The following CNR2 variants were observed in gnomAD, a reference collection of about 807,000 sequenced individuals.
CNR2 encodes the protein cannabinoid receptor 2.
For missense variants in CNR2, 379 were observed against 439.9 expected (o/e 0.86, Z 1.24); for synonymous variants, 172 against 182.2 (o/e 0.94, Z 0.45).
chr1:23,872,448 A>G lies in CNR2; in HGVS notation c.*2087T>C, dbSNP rs989790445. 6 of 152,082 alleles carry G rather than the reference A, an allele frequency of 3.9e-5. No homozygotes were observed. The highest frequency in any genetic ancestry group is 1.4e-4 in the African/African-American group (6 of 41,432). The allele number at this position is 152,082 out of a possible 1,614,324, so 9.4% of individuals were successfully genotyped here. A position where few individuals can be genotyped will look rare whatever the true frequency, so the allele number is the denominator to read the frequency against. On this transcript the variant is annotated 3_prime_UTR_variant, in exon 2 of 2. Transcript: ENST00000374472. ...AAATGGAGTATATTGAGAATCTACG[A>G]TGAGTTAACTTTGCAGCAATCTGAT...
At position 23,875,665 on chromosome 1, in the gene CNR2, GCAGTA is replaced by G; in HGVS notation, c.-45-8_-45-4del. The G allele has an allele frequency of 6.5e-7, 1 of 1,532,506 alleles. No homozygotes were observed. The allele number at this position is 1,532,506 out of a possible 1,614,324, so 94.9% of individuals were successfully genotyped here. On this transcript the variant is annotated splice_polypyrimidine_tract_variant and splice_region_variant and intron_variant, in intron 1 of 1. Transcript: ENST00000374472. The stretch of plus-strand genomic sequence containing the variant: ...CTGAGCTTGTCTAGAAGGCTTTGCT[GCAGTA>G]CAATGAGAAGAAGAAAATAATCTTT...
chr1:23,904,801 C>T (rs562186750), intron 1 of CNR2, among the ~76,000 whole-genome samples: 1 of 152,288 alleles, frequency 6.6e-6, no homozygotes, highest in African/African-American at 2.4e-5. Flanking sequence ...GGTCTGTCCC[C>T]TGATGATGAG....
intron 1 of CNR2, chr1:23,902,374 C>T: frequency 6.3e-7 from 1 of 1,585,024 alleles, no homozygotes; most frequent in South Asian, 1.1e-5. Flanking sequence ...AGGACGCAGG[C>T]GTTCTTGGCT....
intron 1 of CNR2, chr1:23,901,864 C>A: frequency 6.2e-7 from 1 of 1,609,680 alleles, no homozygotes; most frequent in South Asian, 1.1e-5. Context: ...TGTCGCAGCG[C>A]CCGCAGTACT....
chr1:23,874,244 G>C lies in CNR2; in HGVS notation c.*291C>G, dbSNP rs559635272. 53 of 294,364 alleles carry C rather than the reference G, an allele frequency of 1.8e-4. No homozygotes were observed. The highest frequency in any genetic ancestry group is 1.1e-3 in the African/African-American group (51 of 47,852). The allele number at this position is 294,364 out of a possible 1,614,324, so 18.2% of individuals were successfully genotyped here. Reference sequence around the variant, plus strand: ...CTCGCTTTGGCTCCTGTGGTCTCTGGAGGATGCAGGCATGAAGCCTGACCT... The same window carrying C: ...CTCGCTTTGGCTCCTGTGGTCTCTGCAGGATGCAGGCATGAAGCCTGACCT... On this transcript the variant is annotated 3_prime_UTR_variant, in exon 2 of 2. Coordinates refer to ENST00000374472, the MANE Select transcript of CNR2 (RefSeq NM_001841.3).
At chr1:23,910,654 C>CAAAAAAAAAAAAAAAAA (rs34083515) in intron 1 of CNR2, among the ~76,000 whole-genome samples, 1 of 32,196 alleles carries the variant, frequency 3.1e-5, no homozygotes, top group Non-Finnish European at 4.8e-5. Flanking sequence ...AACGCTGTCT[C>CAAAAAAAAAAAAAAAAA]AAAAAAAAAA....
At chr1:23,899,973 G>A (rs28841271) in intron 1 of CNR2, among the ~76,000 whole-genome samples, 1 of 13,990 alleles carries the variant, frequency 7.1e-5, no homozygotes, top group African/African-American at 2.1e-4. Context: ...AAGAAAGAAA[G>A]GAAAGAAAGA....
At chr1:23,880,273 G>C (rs1639957193) in intron 1 of CNR2, among the ~76,000 whole-genome samples, 2 of 150,302 alleles carry the variant, frequency 1.3e-5, no homozygotes, top group African/African-American at 2.5e-5. Flanking sequence ...CGCCTCCCAG[G>C]TTGAAGCCTT....
chr1:23,909,267 G>A (rs1338214881), intron 1 of CNR2, among the ~76,000 whole-genome samples: 1 of 152,134 alleles, frequency 6.6e-6, no homozygotes, highest in Non-Finnish European at 1.5e-5. Flanking sequence ...ATGGCGTGAG[G>A]ACTGAGTACA....
intron 1 of CNR2, among the ~76,000 whole-genome samples, chr1:23,884,784 A>G (rs1341801123): frequency 1.3e-5 from 2 of 148,954 alleles, no homozygotes; most frequent in Admixed American, 6.9e-5. Context: ...TGCTTGCTGC[A>G]TAGCAGGTGC....
chr1:23,911,894 ACTT>A (rs963002198), intron 1 of CNR2, among the ~76,000 whole-genome samples: 12 of 152,184 alleles, frequency 7.9e-5, no homozygotes, highest in African/African-American at 2.9e-4. Flanking sequence ...CTCTCCCTGA[ACTT>A]CTCCCCAGCC....
At chr1:23,890,769 C>G (rs1481796884) in intron 1 of CNR2, among the ~76,000 whole-genome samples, 3 of 149,332 alleles carry the variant, frequency 2.0e-5, no homozygotes, top group African/African-American at 7.4e-5. Context: ...AGAAATAGAT[C>G]AAAGTGACCC....
Position 23,874,620 on chromosome 1 carries a change from G to A in CNR2, c.998C>T (p.Pro333Leu), listed in dbSNP as rs201633175. The change falls in exon 2 of 2, where the codon CCG (proline) becomes CTG (leucine). Residue 333 changes from proline (P) to leucine (L), a missense_variant. Coordinates refer to ENST00000374472, the MANE Select transcript of CNR2 (RefSeq NM_001841.3). ...CTCTGTCTCGGTGACTGAGGATCTCGGGGCTTCTTCTTTTGCCTCTGACCC... is the reference window on the plus strand; with the variant it reads ...CTCTGTCTCGGTGACTGAGGATCTCAGGGCTTCTTCTTTTGCCTCTGACCC... ...GLGSEAKEEA[P>L]RSSVTETEAD... 8.7e-6 allele frequency: 14 copies of A among 1,613,904 alleles called. No homozygotes were observed. The highest frequency in any genetic ancestry group is 1.7e-5 in the Admixed American group (1 of 59,978).
chr1:23,889,180 T>C, intron 1 of CNR2, among the ~76,000 whole-genome samples: 1 of 152,100 alleles, frequency 6.6e-6, no homozygotes, highest in Non-Finnish European at 1.5e-5. Flanking sequence ...CCTGAGAACC[T>C]GCTCAGAAAA....
At chr1:23,907,453 C>T (rs576233105) in intron 1 of CNR2, among the ~76,000 whole-genome samples, 1 of 149,646 alleles carries the variant, frequency 6.7e-6, no homozygotes, top group Non-Finnish European at 1.5e-5. Context: ...AATCTTGAAG[C>T]AAATCTGCAG....
At position 23,871,070 on chromosome 1, in the gene CNR2, T is replaced by C. The variant is rs1264778324; in HGVS notation, c.*3465A>G. The C allele has an allele frequency of 1.3e-5, 2 of 149,786 alleles. No homozygotes were observed. Among genetic ancestry groups the C allele is most frequent in the African/African-American group, 4.9e-5 (2 of 40,532 alleles). 9.3% of individuals were successfully genotyped at this position (149,786 alleles called of 1,614,324 possible). On this transcript the variant is annotated 3_prime_UTR_variant, in exon 2 of 2. Coordinates refer to ENST00000374472, the MANE Select transcript of CNR2 (RefSeq NM_001841.3). The stretch of plus-strand genomic sequence containing the variant: ...TGGGAGGCTAAGGCAGGAGAACTGC[T>C]TGAACCCAGGAGGCAGAGGTTGCAG...
At position 23,871,338 on chromosome 1, in the gene CNR2, G is replaced by A. The variant is rs1639762664; in HGVS notation, c.*3197C>T. The A allele has an allele frequency of 6.6e-6, 1 of 152,092 alleles. No homozygotes were observed. Among genetic ancestry groups the A allele is most frequent in the Non-Finnish European group, 1.5e-5 (1 of 68,014 alleles). 9.4% of individuals were successfully genotyped at this position (152,092 alleles called of 1,614,324 possible). On this transcript the variant is annotated 3_prime_UTR_variant, in exon 2 of 2. Transcript: ENST00000374472. ...GCATTTTCTTTGCCAAAATGAGAAA[G>A]GATTCCACCGATGAATAAAGAAAGG...
intron 1 of CNR2, among the ~76,000 whole-genome samples, chr1:23,877,195 G>A (rs902596245): frequency 2.6e-5 from 4 of 152,230 alleles, no homozygotes; most frequent in African/African-American, 9.6e-5. Flanking sequence ...AAAAACATGA[G>A]TACAGAATGA....
chr1:23,897,479 G>T (rs919049762), intron 1 of CNR2, among the ~76,000 whole-genome samples: 2 of 74,560 alleles, frequency 2.7e-5, no homozygotes, highest in Non-Finnish European at 5.3e-5. Flanking sequence ...CATGTTAATA[G>T]AATTTTTTTT....
Sources: gnomAD v4.1 joint callset for allele counts (sites outside exome capture counted in the v4.1 genomes callset) on GRCh38, gnomAD v4.1.1 for gene constraint, MANE v1.5 for transcripts, NCBI Gene and HGNC (gene_info 2026-07-23, HGNC 2026-07-21) for gene names.